Variants in INTU observed in about 807,000 individuals in gnomAD.
The protein encoded by INTU is inturned planar cell polarity protein.
A neutral mutation model predicts 100.5 loss-of-function variants in INTU; 68 were observed. The ratio of observed to expected loss-of-function variants is 0.68; its 90% confidence interval spans 0.56 to 0.83. The LOEUF (loss-of-function observed/expected upper bound fraction) is 0.83. Ranked by LOEUF, INTU falls within the 40% of genes least tolerant of loss-of-function variation. The pLI is 0.00. For synonymous variants in INTU, 357 were observed against 395.7 expected (o/e 0.90, Z 1.16); for missense variants, 1,071 against 1,114.7 (o/e 0.96, Z 0.56).
chr4:127,709,697 C>T (rs754807020), intron 13 of INTU, among the ~76,000 whole-genome samples: 14 of 130,040 alleles, frequency 1.1e-4, no homozygotes, highest in Admixed American at 1.7e-4. Flanking sequence ...CAACTAGACA[C>T]GTACTAATAG....
intron 3 of INTU, among the ~76,000 whole-genome samples, chr4:127,660,130 A>G (rs1226530188): frequency 6.6e-6 from 1 of 152,182 alleles, no homozygotes; most frequent in East Asian, 1.9e-4. Context: ...TTGGGTTTGC[A>G]GTAGTCCAGA....
chr4:127,713,957 G>A lies in INTU; in HGVS notation c.2581G>A (p.Gly861Arg), dbSNP rs1731175859. ...ACAGAAAAAGAAAGGACTAAATAGT[G>A]GAGACCATTCAGATTCTGCAAAGTC... ...VEEKKKGLNS[G>R]DHSDSAKSVS... The change falls in exon 15 of 16, where the codon GGA (glycine) becomes AGA (arginine). Residue 861 changes from glycine to arginine, a missense_variant. Gly to Arg is a moderately radical substitution (Grantham distance 125). Transcript: ENST00000335251. 7 of 1,609,574 alleles carry A rather than the reference G, an allele frequency of 4.3e-6. No homozygotes were observed. The East Asian group carries it at 8.9e-5, about 21-fold the overall frequency.
chr4:127,698,960 C>T (rs571748023), intron 8 of INTU, among the ~76,000 whole-genome samples: 13 of 152,210 alleles, frequency 8.5e-5, no homozygotes, highest in Non-Finnish European at 5.9e-5. Context: ...TGAGTAATAA[C>T]TCATACTGTG....
intron 8 of INTU, among the ~76,000 whole-genome samples, chr4:127,695,216 A>T (rs1443686637): frequency 6.6e-6 from 1 of 152,218 alleles, no homozygotes; most frequent in African/African-American, 2.4e-5. Context: ...TTAAATTTAT[A>T]ACTAAGTATA....
In INTU at chr4:127,704,248, G is replaced by T. The variant is rs1730776509; in HGVS notation, c.1524G>T (p.Met508Ile). The T allele has an allele frequency of 6.2e-7, 1 of 1,610,218 alleles. No homozygotes were observed. The highest frequency in any genetic ancestry group is 1.3e-5 in the African/African-American group (1 of 74,974). Residue 508 changes from methionine to isoleucine, a missense_variant, in exon 10 of 16, where the codon ATG becomes ATT. By Grantham distance (10) the Met-to-Ile change is conservative (BLOSUM62 1). Transcript: ENST00000335251. The stretch of plus-strand genomic sequence containing the variant: ...CCCAGTCCGAGGATTACTATGACAT[G>T]AGGCGGCTGTATACAATTTTGGGGT... ...FAELSEDYYD[M>I]RRLYTILGSS...
chr4:127,685,270 T>G (rs1729763910), intron 7 of INTU, among the ~76,000 whole-genome samples: 1 of 152,090 alleles, frequency 6.6e-6, no homozygotes, highest in Admixed American at 6.6e-5. Flanking sequence ...GATTTTTCTC[T>G]TAGTGACTTT....
At chr4:127,679,684 A>G (rs1261374987) in intron 6 of INTU, among the ~76,000 whole-genome samples, 1 of 152,006 alleles carries the variant, frequency 6.6e-6, no homozygotes, top group Non-Finnish European at 1.5e-5. Flanking sequence ...TAACATCACA[A>G]TTAAAAGAAC....
intron 3 of INTU, among the ~76,000 whole-genome samples, chr4:127,661,041 T>C (rs1464305134): frequency 1.3e-5 from 2 of 152,204 alleles, no homozygotes; most frequent in Non-Finnish European, 2.9e-5. Flanking sequence ...TAAAAATGTC[T>C]TTTTAAAGTA....
intron 8 of INTU, among the ~76,000 whole-genome samples, chr4:127,691,257 GAAA>G (rs971985124): frequency 6.6e-6 from 1 of 152,056 alleles, no homozygotes; most frequent in African/African-American, 2.4e-5. Context: ...TCCATTCGCT[GAAA>G]ATCTCTGTTG....
chr4:127,690,937 C>A (rs1055752092), intron 8 of INTU, among the ~76,000 whole-genome samples: 7 of 152,024 alleles, frequency 4.6e-5, no homozygotes, highest in Admixed American at 3.3e-4. Flanking sequence ...TGACATGGAT[C>A]CATCCTTTTA....
At chr4:127,665,912 T>C (rs1429892650) in intron 4 of INTU, among the ~76,000 whole-genome samples, 1 of 152,206 alleles carries the variant, frequency 6.6e-6, no homozygotes, top group Non-Finnish European at 1.5e-5. Flanking sequence ...ATCAAGTGAA[T>C]ACGTGGGATT....
Position 127,705,651 on chromosome 4 carries a change from C to T in INTU, c.1627C>T (p.Arg543Cys), listed in dbSNP as rs143244412. Reference sequence around the variant, plus strand: ...TCTTATTGATATTGCCGTATACTGTCGCCACTATTGCCTGCTGCCTTTAGC... The same window carrying T: ...TCTTATTGATATTGCCGTATACTGTTGCCACTATTGCCTGCTGCCTTTAGC... ...DDLIDIAVYCRHYCLLPLAAK... is the reference protein window; with the variant it reads ...DDLIDIAVYCCHYCLLPLAAK... The change falls in exon 11 of 16, where the codon CGC becomes TGC. Residue 543 changes from arginine (R) to cysteine (C), a missense_variant. Physicochemically the swap from Arg to Cys is radical, Grantham distance 180. Transcript: ENST00000335251. The T allele has an allele frequency of 5.6e-6, 9 of 1,613,836 alleles. No homozygotes were observed. The highest frequency in any genetic ancestry group is 2.7e-5 in the African/African-American group (2 of 74,892).
chr4:127,653,707 G>C (rs1471140308), intron 2 of INTU, among the ~76,000 whole-genome samples: 1 of 149,898 alleles, frequency 6.7e-6, no homozygotes, highest in African/African-American at 2.5e-5. Context: ...TGTTGATTTG[G>C]GGTGGAGAGT....
chr4:127,665,210 T>G (rs2126201905), intron 4 of INTU, among the ~76,000 whole-genome samples: 1 of 149,218 alleles, frequency 6.7e-6, no homozygotes, highest in East Asian at 1.9e-4. Flanking sequence ...ACCAAAAAAT[T>G]TATAAATTAA....
At chr4:127,674,102 T>C (rs369024378) in intron 5 of INTU, 22 bp from the exon 6 acceptor site, 3 of 1,497,436 alleles carry the variant, frequency 2.0e-6, no homozygotes, top group Non-Finnish European at 2.8e-6. Context: ...TCTAACCTTA[T>C]TTTGAATATA....
In INTU at chr4:127,723,598, A is replaced by G. The variant is rs761608335; in HGVS notation, c.*7162A>G. 5.9e-5 allele frequency: 9 copies of G among 151,936 alleles called. No homozygotes were observed. Among genetic ancestry groups the G allele is most frequent in the Non-Finnish European group, 1.2e-4 (8 of 67,994 alleles). 9.4% of individuals were successfully genotyped at this position (151,936 alleles called of 1,614,324 possible). ...GTAAGCTCAATTTTGACTAGGATATATATATGTGTGTGTGTGTATATATAT... is the reference window on the plus strand; with the variant it reads ...GTAAGCTCAATTTTGACTAGGATATGTATATGTGTGTGTGTGTATATATAT... On this transcript the variant is annotated 3_prime_UTR_variant, in exon 16 of 16. Coordinates refer to ENST00000335251, the MANE Select transcript of INTU (RefSeq NM_015693.4).
rs1000500490 is a variant in INTU at position 127,718,367 on chromosome 4, G to A, written c.*1931G>A. 1.2e-4 allele frequency: 18 copies of A among 152,232 alleles called. No individual in the cohort carries two copies. Among genetic ancestry groups the A allele is most frequent in the African/African-American group, 4.3e-4 (18 of 41,540 alleles). 9.4% of individuals were successfully genotyped at this position (152,232 alleles called of 1,614,324 possible). On this transcript the variant is annotated 3_prime_UTR_variant, in exon 16 of 16. Transcript: ENST00000335251. ...GTGTCAGTTTTTGTACCAGTACCAT[G>A]ATGTTTTGGTTATTGTACCCTTACA...
intron 5 of INTU, among the ~76,000 whole-genome samples, chr4:127,672,842 T>G (rs1728994308): frequency 6.6e-6 from 1 of 152,208 alleles, no homozygotes. Flanking sequence ...ATTATCATAG[T>G]TCATTATTGT....
intron 6 of INTU, among the ~76,000 whole-genome samples, chr4:127,681,652 A>G (rs1578593812): frequency 2.6e-5 from 4 of 152,334 alleles, no homozygotes; most frequent in South Asian, 2.1e-4. Context: ...TAAAAACCCT[A>G]GAAGAAAACC....
Sources: allele counts gnomAD v4.1 joint callset (sites outside exome capture counted in the v4.1 genomes callset), GRCh38; gene constraint gnomAD v4.1.1; transcripts MANE v1.5; gene names NCBI Gene and HGNC (gene_info 2026-07-23, HGNC 2026-07-21).